Variants in ATE1 observed in about 807,000 individuals in gnomAD.
The protein encoded by ATE1 is arginyl-tRNA--protein transferase 1.
In ATE1, 36 loss-of-function variants were observed where a neutral mutation model predicts 70.5. The ratio of observed to expected loss-of-function variants is 0.51; its 90% CI spans 0.39 to 0.67. ATE1 has a LOEUF of 0.67. Ranked by LOEUF, ATE1 falls within the 30% of genes least tolerant of loss-of-function variation. The pLI is 0.00. For synonymous variants in ATE1, 232 were observed against 219.3 expected (o/e 1.06, Z -0.51); for missense variants, 593 against 629.5 (o/e 0.94, Z 0.62).
chr10:121,826,863 A>G (rs957141932), intron 10 of ATE1, among the ~76,000 whole-genome samples: 16 of 152,204 alleles, frequency 1.1e-4, no homozygotes, highest in Non-Finnish European at 2.4e-4. Flanking sequence ...AAGTGAGAAC[A>G]TGTGGTATCT....
chr10:121,827,547 A>G (rs192214299), intron 10 of ATE1, among the ~76,000 whole-genome samples: 2 of 152,168 alleles, frequency 1.3e-5, no homozygotes, highest in Admixed American at 1.3e-4. Flanking sequence ...AATTTCCACT[A>G]ATTTCAACCA....
intron 11 of ATE1, among the ~76,000 whole-genome samples, chr10:121,747,073 C>A (rs1363758872): frequency 1.3e-5 from 2 of 152,144 alleles, no homozygotes; most frequent in South Asian, 2.1e-4. Flanking sequence ...GCAGAGAAGA[C>A]CACAGTCTTT....
chr10:121,839,304 C>T lies in ATE1; in HGVS notation c.1157+1778G>A, dbSNP rs1948543492. On this transcript the variant is annotated intron_variant, in intron 9 of 11. Coordinates refer to ENST00000224652, the MANE Select transcript of ATE1 (RefSeq NM_001001976.3). ...CCATATCAATATCTAAACTATCACT[C>T]AGTTTATTGAGCCATGAAATATTTC... Among the ~76,000 whole-genome samples, 2 of 152,132 alleles carry T rather than the reference C, an allele frequency of 1.3e-5. 1 individual carries two copies. Among genetic ancestry groups the T allele is most frequent in the South Asian group, 4.1e-4 (2 of 4,826 alleles).
intron 7 of ATE1, among the ~76,000 whole-genome samples, chr10:121,877,483 T>C (rs1950091433): frequency 6.6e-6 from 1 of 152,002 alleles, no homozygotes; most frequent in Non-Finnish European, 1.5e-5. Flanking sequence ...TATTTCCAGG[T>C]TGGAAAAAGA....
intron 10 of ATE1, among the ~76,000 whole-genome samples, chr10:121,812,410 G>A (rs571562597): frequency 6.6e-6 from 1 of 152,150 alleles, no homozygotes; most frequent in East Asian, 1.9e-4. Flanking sequence ...GGCAACAAAG[G>A]GAGAAATGGG....
intron 11 of ATE1, among the ~76,000 whole-genome samples, chr10:121,758,490 T>C (rs1944899048): frequency 1.3e-5 from 2 of 152,244 alleles, no homozygotes; most frequent in African/African-American, 4.8e-5. Flanking sequence ...AAAATTAAAT[T>C]AGAAATTATA....
intron 4 of ATE1, among the ~76,000 whole-genome samples, 178 bp from the exon 5 acceptor site, chr10:121,911,329 G>A (rs1210552519): frequency 6.6e-6 from 1 of 152,028 alleles, no homozygotes; most frequent in Non-Finnish European, 1.5e-5. Context: ...TGGGCATGGT[G>A]GTTCATGCCT....
At chr10:121,749,405 C>G (rs1028174264) in intron 11 of ATE1, among the ~76,000 whole-genome samples, 5 of 152,010 alleles carry the variant, frequency 3.3e-5, no homozygotes, top group Non-Finnish European at 7.4e-5. Context: ...CGTGAAAAAC[C>G]CTTTAATTGT....
At chr10:121,815,386 C>T (rs959259616) in intron 10 of ATE1, among the ~76,000 whole-genome samples, 74 of 152,316 alleles carry the variant, frequency 4.9e-4, no homozygotes, top group African/African-American at 1.7e-3. Context: ...CCGCCTGTCT[C>T]GGCCTCCCAA....
intron 10 of ATE1, among the ~76,000 whole-genome samples, chr10:121,801,431 T>C (rs1412911429): frequency 6.6e-6 from 1 of 152,164 alleles, no homozygotes; most frequent in Non-Finnish European, 1.5e-5. Context: ...AAAGAAACCT[T>C]GTGAAGCAAA....
At chr10:121,793,608 A>C (rs1239134210) in intron 10 of ATE1, among the ~76,000 whole-genome samples, 1 of 152,160 alleles carries the variant, frequency 6.6e-6, no homozygotes, top group Non-Finnish European at 1.5e-5. Context: ...ATGTATCTTC[A>C]TATATTTAGA....
intron 5 of ATE1, among the ~76,000 whole-genome samples, chr10:121,910,425 C>T (rs1447545263): frequency 6.6e-6 from 1 of 151,868 alleles, no homozygotes; most frequent in Non-Finnish European, 1.5e-5. Context: ...AAAAATCTTA[C>T]CTGATTAAAG....
At chr10:121,857,462 G>A (rs1949289375) in intron 8 of ATE1, among the ~76,000 whole-genome samples, 3 of 152,210 alleles carry the variant, frequency 2.0e-5, no homozygotes, top group African/African-American at 4.8e-5. Context: ...TGGCTGCATA[G>A]TATTCCATGG....
chr10:121,901,809 T>C (rs1472075835), intron 6 of ATE1, among the ~76,000 whole-genome samples: 1 of 152,186 alleles, frequency 6.6e-6, no homozygotes, highest in Non-Finnish European at 1.5e-5. Context: ...CTTGATCTGA[T>C]CTAGAAACGA....
At chr10:121,891,913 G>A (rs1003749115) in intron 7 of ATE1, among the ~76,000 whole-genome samples, 1 of 152,146 alleles carries the variant, frequency 6.6e-6, no homozygotes, top group African/African-American at 2.4e-5. Flanking sequence ...ATACTGTACA[G>A]AGTCCCTTAA....
chr10:121,912,425 G>A (rs1312377634), intron 4 of ATE1, among the ~76,000 whole-genome samples: 4 of 151,584 alleles, frequency 2.6e-5, no homozygotes, highest in Non-Finnish European at 4.4e-5. Flanking sequence ...GCCAAGGCGG[G>A]CAGGTCACAA....
intron 11 of ATE1, among the ~76,000 whole-genome samples, chr10:121,745,595 C>T (rs189462267): frequency 7.2e-4 from 109 of 152,208 alleles, no homozygotes; most frequent in East Asian, 2.1e-3. Context: ...GGCGTGGTGG[C>T]GGGCGCCTGT....
chr10:121,835,374 T>C (rs1948394755), intron 10 of ATE1, among the ~76,000 whole-genome samples: 1 of 151,252 alleles, frequency 6.6e-6, no homozygotes. Flanking sequence ...TCGAACCATC[T>C]CCCCAGTCAT....
intron 7 of ATE1, among the ~76,000 whole-genome samples, chr10:121,894,880 G>A (rs1018236913): frequency 5.3e-5 from 8 of 151,908 alleles, no homozygotes; most frequent in Admixed American, 3.3e-4. Context: ...CAGCCTGGGC[G>A]ACAGAGTGAG....
Sources: allele counts gnomAD v4.1 joint callset (sites outside exome capture counted in the v4.1 genomes callset), GRCh38; gene constraint gnomAD v4.1.1; transcripts MANE v1.5; gene names NCBI Gene and HGNC (gene_info 2026-07-23, HGNC 2026-07-21).